Variants in EPHA8 observed in about 807,000 individuals in gnomAD.
The protein encoded by EPHA8 is EPH receptor A8, also known as ephrin type-A receptor 8.
Under a neutral mutation model 103.6 loss-of-function variants are expected in EPHA8, and 58 were observed. The observed-to-expected ratio is 0.56, with a 90% CI of 0.45 to 0.70. The LOEUF (loss-of-function observed/expected upper bound fraction) is 0.70, where lower values mean the gene tolerates loss of function less well. Ranked by LOEUF, EPHA8 falls within the 30% of genes least tolerant of loss-of-function variation. EPHA8 has a pLI of 0.00. For missense variants in EPHA8, 1,304 were observed against 1,395.2 expected, an observed-to-expected ratio of 0.93 and a Z score of 1.04; for synonymous variants, 559 against 572.5, an observed-to-expected ratio of 0.98 and a Z score of 0.34.
rs1425708564 is a variant in EPHA8 at position 22,576,895 on chromosome 1, G to T, written c.823+15G>T. The stretch of plus-strand genomic sequence containing the variant: ...TGCCTGTGTGGGTGAGCGCGCCATG[G>T]CCTGGGCATGGGTCAGCCGGCAGCG... On this transcript the variant is annotated intron_variant, in intron 3 of 16. Coordinates refer to ENST00000166244, the MANE Select transcript of EPHA8 (RefSeq NM_020526.5). This position sits in a 1 kb window ranked among gnomAD's most constrained non-coding sequence, Gnocchi z 4.8. 6 of 1,566,476 alleles carry T rather than the reference G, an allele frequency of 3.8e-6. No homozygotes were observed. The highest frequency in any genetic ancestry group is 1.7e-5 in the Admixed American group (1 of 58,118).
intron 15 of EPHA8, 83 bp from the exon 16 acceptor site, chr1:22,601,217 C>G: frequency 6.5e-7 from 1 of 1,537,136 alleles, no homozygotes; most frequent in East Asian, 2.3e-5. Flanking sequence ...CCTGCCCTGC[C>G]GAACCCCTTC....
intron 1 of EPHA8, among the ~76,000 whole-genome samples, chr1:22,565,666 G>A (rs1488559018): frequency 6.6e-6 from 1 of 152,224 alleles, no homozygotes; most frequent in African/African-American, 2.4e-5. Flanking sequence ...CTCGAAGAGG[G>A]GGCTTGGACC....
chr1:22,592,478 C>G (rs1479977592), intron 5 of EPHA8, among the ~76,000 whole-genome samples: 3 of 152,232 alleles, frequency 2.0e-5, no homozygotes, highest in Non-Finnish European at 4.4e-5. Flanking sequence ...GGGCTTTCCC[C>G]TGGACCACAC....
chr1:22,594,154 A>G (rs1641453464), intron 7 of EPHA8, among the ~76,000 whole-genome samples: 1 of 152,086 alleles, frequency 6.6e-6, no homozygotes, highest in African/African-American at 2.4e-5. Context: ...TATTTAATAG[A>G]AATGGGGTTT....
chr1:22,586,662 C>G (rs779533729), intron 4 of EPHA8, 27 bp downstream of exon 4: 1 of 1,609,154 alleles, frequency 6.2e-7, no homozygotes, highest in Admixed American at 1.7e-5. Context: ...GATGCCAGTA[C>G]CCTTGAGCCC....
chr1:22,601,492 T>C lies in EPHA8; in HGVS notation c.2903+19T>C, dbSNP rs1383814079. The C allele has an allele frequency of 2.5e-6, 4 of 1,584,634 alleles. No individual in the cohort carries two copies. In the African/African-American group the frequency reaches 5.6e-5, roughly 22 times the overall value. On this transcript the variant is annotated intron_variant, in intron 16 of 16. Coordinates refer to ENST00000166244, the MANE Select transcript of EPHA8 (RefSeq NM_020526.5). ...ACGCCCAGTGAGTGATGGGTGGGGC[T>C]GGGGCCCCATGCGTGTGGGGGCAGG...
chr1:22,595,347 C>A (rs12081659), intron 8 of EPHA8, 24 bp downstream of exon 8: 2 of 1,594,366 alleles, frequency 1.3e-6, no homozygotes, highest in Admixed American at 1.7e-5. Flanking sequence ...CCCAGCCACA[C>A]CCAGCCCCTC....
chr1:22,573,941 C>A (rs1303052740), intron 2 of EPHA8, among the ~76,000 whole-genome samples: 1 of 152,232 alleles, frequency 6.6e-6, no homozygotes, highest in African/African-American at 2.4e-5. Flanking sequence ...ACTGCCTAGT[C>A]TGGTGGACCC....
intron 5 of EPHA8, among the ~76,000 whole-genome samples, chr1:22,593,091 A>G (rs1447457335): frequency 1.3e-5 from 2 of 152,038 alleles, no homozygotes; most frequent in Non-Finnish European, 2.9e-5. Context: ...GTCCAAGCCA[A>G]CCCCAACATC....
At chr1:22,590,113 A>G (rs2148254888) in intron 5 of EPHA8, among the ~76,000 whole-genome samples, 1 of 152,264 alleles carries the variant, frequency 6.6e-6, no homozygotes, top group Admixed American at 6.5e-5. Context: ...AGATTCCCTC[A>G]TTCGACAGCC....
At position 22,589,234 on chromosome 1, in the gene EPHA8, G is replaced by A. The variant is rs762667401; in HGVS notation, c.1315+28G>A. 1.5e-5 allele frequency: 24 copies of A among 1,613,896 alleles called. No homozygotes were observed. The highest frequency in any genetic ancestry group is 7.7e-5 in the South Asian group (7 of 91,082). ...AGGCGGAGAAACTCCGTCCCGCAGCGTCCTGGTCCCCCAGCTTCCCCTGCC... is the reference window on the plus strand; with the variant it reads ...AGGCGGAGAAACTCCGTCCCGCAGCATCCTGGTCCCCCAGCTTCCCCTGCC... On this transcript the variant is annotated intron_variant, in intron 5 of 16. Coordinates refer to ENST00000166244, the MANE Select transcript of EPHA8 (RefSeq NM_020526.5). The surrounding 1 kb of genome is among the most constrained non-coding windows in gnomAD (Gnocchi z 4.3).
In EPHA8 at chr1:22,576,091, G is replaced by C. The variant is rs1640681798; in HGVS notation, c.160-126G>C. 20 of 1,105,230 alleles carry C rather than the reference G, an allele frequency of 1.8e-5. No homozygotes were observed. The highest frequency in any genetic ancestry group is 2.1e-5 in the Non-Finnish European group (16 of 766,182). 68.5% of individuals were successfully genotyped at this position (1,105,230 alleles called of 1,614,324 possible). On this transcript the variant is annotated intron_variant, in intron 2 of 16. Transcript: ENST00000166244. This position sits in a 1 kb window ranked among gnomAD's most constrained non-coding sequence, Gnocchi z 4.8. The stretch of plus-strand genomic sequence containing the variant: ...TCTGCAGGGGGCCTGGCATCTAGTA[G>C]CCACCAGGAGGCCAGCTCCTTTGTC...
chr1:22,597,943 C>A lies in EPHA8; in HGVS notation c.2116+82C>A. 6.5e-7 allele frequency: 1 copy of A among 1,528,306 alleles called. No individual in the cohort carries two copies. Among genetic ancestry groups the A allele is most frequent in the Non-Finnish European group, 8.9e-7 (1 of 1,122,238 alleles). The allele number at this position is 1,528,306 out of a possible 1,614,324, so 94.7% of individuals were successfully genotyped here. On this transcript the variant is annotated intron_variant, in intron 11 of 16. Transcript: ENST00000166244. This position sits in a 1 kb window ranked among gnomAD's most constrained non-coding sequence, Gnocchi z 4.6. ...CTCTGGGTCCATCCCCTCATCCATC[C>A]TGCTCTGCCCCACCTGACCCTGTCC...
At chr1:22,594,944 C>A (rs1440786536) in intron 7 of EPHA8, among the ~76,000 whole-genome samples, 3 of 152,218 alleles carry the variant, frequency 2.0e-5, no homozygotes, top group Non-Finnish European at 4.4e-5. Flanking sequence ...TTTATTGGCT[C>A]AGAGGACACG....
In EPHA8 at chr1:22,596,171, A is replaced by T; in HGVS notation, c.1763A>T (p.Gln588Leu). The T allele has an allele frequency of 1.2e-6, 2 of 1,613,830 alleles. No homozygotes were observed. The highest frequency in any genetic ancestry group is 1.7e-6 in the Non-Finnish European group (2 of 1,179,898). Residue 588 changes from glutamine (Q) to leucine (L), a missense_variant and splice_region_variant, in exon 9 of 17, where the codon CAG becomes CTG. Physicochemically the swap from Gln to Leu is moderately radical, Grantham distance 113. Coordinates refer to ENST00000166244, the MANE Select transcript of EPHA8 (RefSeq NM_020526.5). ...DEEKMHYQNGQAPPPVFLPLH... is the reference protein window; with the variant it reads ...DEEKMHYQNGLAPPPVFLPLH... The stretch of plus-strand genomic sequence containing the variant: ...GAGAAGATGCACTATCAGAATGGAC[A>T]GGGTGAGTGCAGGGGCCCGGTGGTC...
chr1:22,600,618 G>A, intron 13 of EPHA8, 43 bp from the exon 14 acceptor site: 1 of 1,605,820 alleles, frequency 6.2e-7, no homozygotes, highest in African/African-American at 1.3e-5. Flanking sequence ...GGGACACCCT[G>A]CCAGGCCTGG....
intron 8 of EPHA8, among the ~76,000 whole-genome samples, 161 bp from the exon 9 acceptor site, chr1:22,595,945 C>T (rs74061405): frequency 0.024 from 3,648 of 152,296 alleles, 136 homozygotes; most frequent in African/African-American, 0.081. Context: ...GGTTGAGAGC[C>T]TGGAGTCAGG....
rs149054348 is a variant in EPHA8 at position 22,600,933 on chromosome 1, C to T, written c.2574C>T (p.Pro858=). 67 of 1,611,584 alleles carry T rather than the reference C, an allele frequency of 4.2e-5. No individual in the cohort carries two copies. In the African/African-American group the frequency reaches 6.7e-4, roughly 16 times the overall value. ...ISSVEEGYRL[P]APMGCPHALH... Reference sequence around the variant, plus strand: ...CTGTGGAGGAGGGGTACCGCCTGCCCGCACCCATGGGCTGCCCCCACGCCC... The same window carrying T: ...CTGTGGAGGAGGGGTACCGCCTGCCTGCACCCATGGGCTGCCCCCACGCCC... The change falls in exon 15 of 17, where the codon CCC becomes CCT. Residue 858 remains proline (P), a synonymous_variant. Coordinates refer to ENST00000166244, the MANE Select transcript of EPHA8 (RefSeq NM_020526.5).
At chr1:22,582,500 C>T (rs1237732019) in intron 3 of EPHA8, among the ~76,000 whole-genome samples, 1 of 149,036 alleles carries the variant, frequency 6.7e-6, no homozygotes, top group African/African-American at 2.6e-5. Flanking sequence ...TCTTTAGAGG[C>T]CTTGCTTAGA....
Sources: gnomAD v4.1 joint callset for allele counts (sites outside exome capture counted in the v4.1 genomes callset) on GRCh38, gnomAD v4.1.1 for gene constraint, Gnocchi (gnomAD v3.1) non-coding constraint, MANE v1.5 for transcripts, NCBI Gene and HGNC (gene_info 2026-07-23, HGNC 2026-07-21) for gene names.